FIG4: variants seen among roughly 807,000 people sequenced by gnomAD.
The protein encoded by FIG4 is polyphosphoinositide phosphatase.
A neutral mutation model predicts 118.6 loss-of-function variants in FIG4; 112 were observed. The ratio of observed to expected loss-of-function variants is 0.94; its 90% CI spans 0.81 to 1.11. FIG4 has a LOEUF of 1.11. Among genes scored for constraint, FIG4 ranks in the 50% least tolerant of loss-of-function variants. FIG4 has a pLI of 0.00. For missense variants in FIG4, 969 were observed against 1,111.7 expected (o/e 0.87, Z 1.83); for synonymous variants, 369 against 381.2 (o/e 0.97, Z 0.37).
At chr6:109,717,096 T>TA (rs1775456937) in intron 3 of FIG4, among the ~76,000 whole-genome samples, 1 of 151,746 alleles carries the variant, frequency 6.6e-6, no homozygotes, top group African/African-American at 2.4e-5. Flanking sequence ...ATTGTGTTAG[T>TA]AAGATAAAAC....
At chr6:109,769,211 TC>T (rs1193361436) in intron 15 of FIG4, among the ~76,000 whole-genome samples, 1 of 151,828 alleles carries the variant, frequency 6.6e-6, no homozygotes, top group African/African-American at 2.4e-5. Context: ...CAAGCGATTC[TC>T]CTGCCTCAGC....
At chr6:109,712,891 A>T (rs1775308311) in intron 1 of FIG4, among the ~76,000 whole-genome samples, 1 of 151,868 alleles carries the variant, frequency 6.6e-6, no homozygotes, top group African/African-American at 2.4e-5. Flanking sequence ...GAAGCTGTTG[A>T]CCTTTATATG....
chr6:109,701,617 T>C (rs1242173522), intron 1 of FIG4: 4 of 447,910 alleles, frequency 8.9e-6, no homozygotes, highest in African/African-American at 4.1e-5. Context: ...TGTTCAAGAT[T>C]GTTAGCATAT....
chr6:109,778,794 T>C (rs1054622940), intron 16 of FIG4, among the ~76,000 whole-genome samples: 1 of 152,000 alleles, frequency 6.6e-6, no homozygotes, highest in African/African-American at 2.4e-5. Context: ...AGAGACGGGG[T>C]TTCACTGTGT....
intron 22 of FIG4, among the ~76,000 whole-genome samples, chr6:109,817,114 A>C (rs985363979): frequency 4.6e-5 from 7 of 152,218 alleles, no homozygotes; most frequent in African/African-American, 1.7e-4. Flanking sequence ...AGGAGCACTT[A>C]TGTTCTTTGC....
At chr6:109,787,769 T>C (rs1157831004) in intron 18 of FIG4, among the ~76,000 whole-genome samples, 1 of 152,202 alleles carries the variant, frequency 6.6e-6, no homozygotes, top group East Asian at 1.9e-4. Context: ...TAGTAAATAC[T>C]GGACCATTGC....
chr6:109,780,205 T>C (rs2128395158), intron 16 of FIG4, among the ~76,000 whole-genome samples: 1 of 152,358 alleles, frequency 6.6e-6, no homozygotes, highest in East Asian at 1.9e-4. Flanking sequence ...CAATAGGTGT[T>C]AGTATTGTTA....
chr6:109,699,483 G>A (rs1426434986), intron 1 of FIG4, among the ~76,000 whole-genome samples: 10 of 150,812 alleles, frequency 6.6e-5, no homozygotes, highest in South Asian at 2.1e-4. Context: ...CCTCATACGC[G>A]GTTTTTTTTT....
At chr6:109,718,537 G>T (rs9398214) in intron 3 of FIG4, among the ~76,000 whole-genome samples, 13,538 of 152,088 alleles carry the variant, frequency 0.089, 993 homozygotes, top group African/African-American at 0.19. Flanking sequence ...GAATACTGTC[G>T]TTGCTCTTCA....
At chr6:109,760,057 TG>T (rs954083746) in intron 10 of FIG4, among the ~76,000 whole-genome samples, 192 bp from the exon 11 acceptor site, 1 of 152,224 alleles carries the variant, frequency 6.6e-6, no homozygotes, top group African/African-American at 2.4e-5. Context: ...GTTCATTAGC[TG>T]TTCACTTTAA....
chr6:109,766,727 A>G lies in FIG4; in HGVS notation c.1584-2A>G. On this transcript the variant is annotated splice_acceptor_variant, in intron 14 of 22. Transcript: ENST00000230124. LOFTEE classifies it high-confidence loss of function. ...TCTTTAATCGGGTTTTTCTTTTTTT[A>G]GGTTATTTGAGGAACTCTATGAAGA... is the stretch of plus-strand genomic sequence containing the variant. 6.2e-7 allele frequency: 1 copy of G among 1,613,016 alleles called. No individual in the cohort carries two copies. Among genetic ancestry groups the G allele is most frequent in the Non-Finnish European group, 8.5e-7 (1 of 1,179,178 alleles).
chr6:109,730,128 A>G (rs1313752893), intron 4 of FIG4, among the ~76,000 whole-genome samples: 10 of 151,932 alleles, frequency 6.6e-5, no homozygotes. Flanking sequence ...GGCTCACTGC[A>G]GCTTTGAACT....
chr6:109,791,294 A>C, intron 19 of FIG4, 82 bp from the exon 20 acceptor site: 1 of 1,215,470 alleles, frequency 8.2e-7, no homozygotes, highest in Non-Finnish European at 1.2e-6. Context: ...CACTAGGCCT[A>C]AGGCTTTGGG....
chr6:109,795,139 A>G (rs1309575071), intron 21 of FIG4, among the ~76,000 whole-genome samples: 1 of 53,444 alleles, frequency 1.9e-5, no homozygotes, highest in African/African-American at 4.9e-5. Context: ...TTTTTTTGAG[A>G]CGGAGTCTCG....
chr6:109,716,462 A>G lies in FIG4; in HGVS notation c.183A>G (p.Gln61=), dbSNP rs1775433473. ...IIDDRHVYTQ[Q]EVRELLGRLD... is the part of the protein sequence containing the mutation. ...ATTCTTAGCATGTCTATACTCAACA[A>G]GAAGTAAGGGAACTTCTTGGCCGCT... The change falls in exon 3 of 23, where the codon CAA becomes CAG. Residue 61 remains glutamine, a synonymous_variant. Transcript: ENST00000230124. 6.2e-7 allele frequency: 1 copy of G among 1,613,876 alleles called. No individual in the cohort carries two copies.
At chr6:109,720,618 A>G (rs146182627) in intron 3 of FIG4, among the ~76,000 whole-genome samples, 66 of 152,310 alleles carry the variant, frequency 4.3e-4, no homozygotes, top group Admixed American at 2.1e-3. Context: ...AAACTAGTCT[A>G]TGCCCTGTGT....
chr6:109,782,312 A>T (rs1362742597), intron 16 of FIG4, among the ~76,000 whole-genome samples: 1 of 152,130 alleles, frequency 6.6e-6, no homozygotes, highest in African/African-American at 2.4e-5. Flanking sequence ...GTCGTCTTAG[A>T]TGCTCTTATC....
At chr6:109,696,368 A>G (rs183163620) in intron 1 of FIG4, among the ~76,000 whole-genome samples, 46 of 152,364 alleles carry the variant, frequency 3.0e-4, no homozygotes, top group African/African-American at 1.1e-3. Context: ...CGCATTTTCC[A>G]TGAACTTTAT....
chr6:109,784,171 C>A (rs1329221939), intron 16 of FIG4, among the ~76,000 whole-genome samples: 2 of 151,886 alleles, frequency 1.3e-5, no homozygotes, highest in East Asian at 1.9e-4. Context: ...TTAAAAAATT[C>A]TTCTCCTTCC....
Sources: allele counts gnomAD v4.1 joint callset (sites outside exome capture counted in the v4.1 genomes callset), GRCh38; gene constraint gnomAD v4.1.1; transcripts MANE v1.5; gene names NCBI Gene and HGNC (gene_info 2026-07-23, HGNC 2026-07-21).